USP32: variants seen among roughly 807,000 people sequenced by gnomAD.
USP32 encodes ubiquitin carboxyl-terminal hydrolase 32.
USP32 carries 59 observed loss-of-function variants against 204.8 expected under a neutral mutation model. The observed-to-expected ratio is 0.29, with a 90% CI of 0.23 to 0.36. USP32 has a LOEUF of 0.36. USP32 is among the 10% of genes least tolerant of loss of function. The probability of loss-of-function intolerance (pLI) is 1.00; values close to 1 mark genes in which losing one functional copy is unlikely to be tolerated. For missense variants in USP32, 1,160 were observed against 1,946.4 expected, an observed-to-expected ratio of 0.60 and a Z score of 7.60; for synonymous variants, 517 against 678.4, an observed-to-expected ratio of 0.76 and a Z score of 3.70.
At chr17:60,342,439 G>A (rs1277892394) in intron 2 of USP32, among the ~76,000 whole-genome samples, 1 of 152,228 alleles carries the variant, frequency 6.6e-6, no homozygotes, top group Non-Finnish European at 1.5e-5. Context: ...GCCATGCCGG[G>A]AGAGCCACTG....
intron 26 of USP32, among the ~76,000 whole-genome samples, chr17:60,199,381 C>T (rs540278576): frequency 4.0e-5 from 6 of 151,854 alleles, no homozygotes; most frequent in East Asian, 3.9e-4. Context: ...GCTTTGAGTA[C>T]GTTAAAGAGA....
intron 1 of USP32, among the ~76,000 whole-genome samples, chr17:60,404,409 A>G (rs1266651806): frequency 6.6e-6 from 1 of 152,110 alleles, no homozygotes; most frequent in Non-Finnish European, 1.5e-5. Context: ...CCTGAGCTTT[A>G]AATATTTTGA....
rs1434055981 is a variant in USP32, at chr17:60,345,589, T to C, written c.78A>G (p.Lys26=). 2 of 1,614,128 alleles carry C rather than the reference T, an allele frequency of 1.2e-6. No individual in the cohort carries two copies. The highest frequency in any genetic ancestry group is 1.1e-5 in the South Asian group (1 of 91,082). The change falls in exon 2 of 34, where the codon AAA becomes AAG. Residue 26 remains lysine (K), a synonymous_variant. Coordinates refer to ENST00000300896, the MANE Select transcript of USP32 (RefSeq NM_032582.4). The part of the protein sequence containing the change: ...ALRRVTDVEL[K]RLKDAFKRTC... ...TCCTCTTGAAAGCATCCTTCAGTCG[T>C]TTTAGCTCTACATCTGTAACTGCAA...
At chr17:60,351,574 C>G (rs1406026802) in intron 1 of USP32, among the ~76,000 whole-genome samples, 1 of 149,156 alleles carries the variant, frequency 6.7e-6, no homozygotes, top group African/African-American at 2.6e-5. Flanking sequence ...AGTACAGGCA[C>G]GCACCACCGT....
intron 2 of USP32, among the ~76,000 whole-genome samples, chr17:60,332,710 T>G (rs953151052): frequency 1.3e-5 from 2 of 152,160 alleles, no homozygotes; most frequent in Non-Finnish European, 2.9e-5. Context: ...TGCACCAATA[T>G]CGGCACCCAG....
intron 1 of USP32, among the ~76,000 whole-genome samples, chr17:60,386,101 C>T (rs1341622057): frequency 6.6e-6 from 1 of 152,018 alleles, no homozygotes; most frequent in Non-Finnish European, 1.5e-5. Flanking sequence ...TTTTACCAGG[C>T]TTTTGTGCCA....
intron 11 of USP32, among the ~76,000 whole-genome samples, chr17:60,244,592 G>T (rs1337560348): frequency 3.9e-5 from 6 of 151,964 alleles, no homozygotes; most frequent in Non-Finnish European, 8.8e-5. Context: ...TTGTTGTAGG[G>T]TTTACAATAT....
chr17:60,334,394 ATC>A (rs1206064859), intron 2 of USP32, among the ~76,000 whole-genome samples: 1 of 152,194 alleles, frequency 6.6e-6, no homozygotes, highest in African/African-American at 2.4e-5. Flanking sequence ...TTCACAACAT[ATC>A]TCTCTCAATT....
intron 9 of USP32, among the ~76,000 whole-genome samples, chr17:60,263,034 G>A (rs2086492144): frequency 6.6e-6 from 1 of 151,674 alleles, no homozygotes; most frequent in East Asian, 1.9e-4. Context: ...CTGCAGCCTT[G>A]ACCTCCCAGG....
At chr17:60,340,789 T>A (rs1183291354) in intron 2 of USP32, among the ~76,000 whole-genome samples, 1 of 152,240 alleles carries the variant, frequency 6.6e-6, no homozygotes, top group Non-Finnish European at 1.5e-5. Flanking sequence ...ATTTGGCATG[T>A]TTTTGCAGTG....
At chr17:60,422,349 C>T in exon 1 of USP32, 1 of 994,058 alleles carries the variant, frequency 1.0e-6, no homozygotes, top group Non-Finnish European at 1.4e-6. Flanking sequence ...CGACCCCGCA[C>T]ATCTTGCTCC....
At chr17:60,349,578 G>GAAAA (rs757370384) in intron 1 of USP32, among the ~76,000 whole-genome samples, 18 of 27,708 alleles carry the variant, frequency 6.5e-4, no homozygotes, top group African/African-American at 1.1e-3. Context: ...TGTCTCAAAA[G>GAAAA]AAAAAAAAAA....
rs142119436 is a variant in USP32 at position 60,380,472 on chromosome 17, A to G, written c.58+11410T>C. On this transcript the variant is annotated intron_variant, in intron 1 of 33. Coordinates refer to ENST00000300896, the MANE Select transcript of USP32 (RefSeq NM_032582.4). ...AGTCCCAGCTGCTAGGGAAGCTGAA[A>G]TAGGAGGATGGCTTGACCCTGGGGA... is the stretch of plus-strand genomic sequence containing the variant. 7.7e-3 allele frequency among the ~76,000 whole-genome samples: 1,178 copies of G among 152,166 alleles called. 13 individuals carry two copies. Among genetic ancestry groups the G allele is most frequent in the African/African-American group, 0.026 (1,068 of 41,492 alleles).
At chr17:60,383,519 G>A (rs887068917) in intron 1 of USP32, among the ~76,000 whole-genome samples, 1 of 152,158 alleles carries the variant, frequency 6.6e-6, no homozygotes, top group African/African-American at 2.4e-5. Flanking sequence ...TGATAATTAC[G>A]TATTATGATA....
chr17:60,394,387 G>A (rs1598315302), upstream of USP32, among the ~76,000 whole-genome samples: 1 of 152,314 alleles, frequency 6.6e-6, no homozygotes, highest in East Asian at 1.9e-4. Context: ...TGCTATACAA[G>A]GGATAGGCTT....
chr17:60,291,527 C>CTGTGTGTG (rs926146064), intron 4 of USP32, among the ~76,000 whole-genome samples: 2 of 140,722 alleles, frequency 1.4e-5, no homozygotes, highest in East Asian at 2.0e-4. Context: ...GCTTCTCTCT[C>CTGTGTGTG]TGTGTGTGTA....
chr17:60,401,914 G>A (rs2089938550), intron 1 of USP32, among the ~76,000 whole-genome samples: 1 of 152,110 alleles, frequency 6.6e-6, no homozygotes, highest in Non-Finnish European at 1.5e-5. Flanking sequence ...AACCCATGGA[G>A]AAAGGGTTCA....
rs542835710 is a variant in USP32 at position 60,268,833 on chromosome 17, A to T, written c.811+617T>A. 2.0e-5 allele frequency among the ~76,000 whole-genome samples: 3 copies of T among 152,308 alleles called. No individual in the cohort carries two copies. The East Asian group carries it at 5.8e-4, about 29-fold the overall frequency. ...GAACACCACACCCAAAATATGCAAC[A>T]TTTGGGAAGATTTATTTTAGAAAGA... On this transcript the variant is annotated intron_variant, in intron 7 of 33. Coordinates refer to ENST00000300896, the MANE Select transcript of USP32 (RefSeq NM_032582.4).
intron 2 of USP32, among the ~76,000 whole-genome samples, chr17:60,328,527 T>C (rs567068230): frequency 6.6e-6 from 1 of 152,320 alleles, no homozygotes; most frequent in African/African-American, 2.4e-5. Flanking sequence ...TCCATCTGCA[T>C]ACCTCATTCT....
Sources: allele counts gnomAD v4.1 joint callset (sites outside exome capture counted in the v4.1 genomes callset), GRCh38; gene constraint gnomAD v4.1.1; transcripts MANE v1.5; gene names NCBI Gene and HGNC (gene_info 2026-07-23, HGNC 2026-07-21).